DGKI: variants seen among roughly 807,000 people sequenced by gnomAD.
DGKI encodes the protein diacylglycerol kinase iota.
DGKI carries 55 observed loss-of-function variants against 147.5 expected under a neutral mutation model. That is an observed-to-expected ratio of 0.37 (90% CI 0.30 to 0.47). The LOEUF is 0.47. Ranked by LOEUF, DGKI falls within the 20% of genes least tolerant of loss-of-function variation. The probability of loss-of-function intolerance (pLI) is 1.00; values close to 1 mark genes in which losing one functional copy is unlikely to be tolerated. For missense variants in DGKI, 1,007 were observed against 1,323.8 expected (o/e 0.76, Z 3.71); for synonymous variants, 469 against 477.1 (o/e 0.98, Z 0.22).
chr7:137,762,102 CCT>C (rs1425944331), intron 1 of DGKI, among the ~76,000 whole-genome samples: 1 of 151,942 alleles, frequency 6.6e-6, no homozygotes, highest in African/African-American at 2.4e-5. Flanking sequence ...TGTATTTACC[CCT>C]CTCAAATCAT....
chr7:137,768,629 G>A (rs538239254), intron 1 of DGKI, among the ~76,000 whole-genome samples: 5 of 152,240 alleles, frequency 3.3e-5, no homozygotes, highest in East Asian at 1.9e-4. Context: ...GCACGTACAG[G>A]CCCCGGGCAG....
intron 6 of DGKI, among the ~76,000 whole-genome samples, chr7:137,644,968 G>A (rs186787640): frequency 1.1e-4 from 16 of 152,320 alleles, no homozygotes; most frequent in African/African-American, 3.6e-4. Context: ...CAGCCATGAT[G>A]ACAGAGGAGG....
intron 21 of DGKI, among the ~76,000 whole-genome samples, chr7:137,503,795 T>C (rs1469273501): frequency 1.3e-5 from 2 of 152,136 alleles, no homozygotes; most frequent in Non-Finnish European, 2.9e-5. Flanking sequence ...TGGGTTACTG[T>C]GAAGATTAAG....
intron 1 of DGKI, among the ~76,000 whole-genome samples, chr7:137,731,610 G>A (rs999139093): frequency 1.3e-5 from 2 of 152,048 alleles, no homozygotes; most frequent in Non-Finnish European, 2.9e-5. Context: ...AGGCCCATAT[G>A]TGTATTCTGA....
intron 20 of DGKI, among the ~76,000 whole-genome samples, chr7:137,541,190 C>T (rs914598900): frequency 1.3e-5 from 2 of 151,982 alleles, no homozygotes; most frequent in Non-Finnish European, 1.5e-5. Context: ...AGGCATAAGC[C>T]ATAGGTCAAT....
At chr7:137,635,503 G>A (rs970029702) in intron 6 of DGKI, among the ~76,000 whole-genome samples, 3 of 152,252 alleles carry the variant, frequency 2.0e-5, no homozygotes, top group Admixed American at 1.3e-4. Flanking sequence ...AAGGGCTTAC[G>A]AAATGTGTGA....
intron 20 of DGKI, among the ~76,000 whole-genome samples, chr7:137,537,460 A>AT (rs1304790989): frequency 2.0e-5 from 3 of 152,112 alleles, no homozygotes; most frequent in African/African-American, 7.3e-5. Context: ...AAATACAGAA[A>AT]TAAAAAAAAA....
intron 1 of DGKI, among the ~76,000 whole-genome samples, chr7:137,784,755 T>C (rs185824441): frequency 5.7e-4 from 86 of 151,776 alleles, no homozygotes; most frequent in African/African-American, 2.0e-3. Flanking sequence ...TTTAAGAAAA[T>C]AGAAATTATA....
intron 19 of DGKI, among the ~76,000 whole-genome samples, chr7:137,568,030 TTG>T (rs1818650899): frequency 6.6e-6 from 1 of 152,272 alleles, no homozygotes; most frequent in East Asian, 1.9e-4. Flanking sequence ...TTGTATTATT[TTG>T]TCTATTTTTA....
At chr7:137,625,972 C>T (rs1217712076) in intron 6 of DGKI, among the ~76,000 whole-genome samples, 1 of 152,136 alleles carries the variant, frequency 6.6e-6, no homozygotes, top group East Asian at 1.9e-4. Flanking sequence ...ACCCTGGACA[C>T]TGAGTCCAGT....
intron 30 of DGKI, among the ~76,000 whole-genome samples, chr7:137,401,142 T>C (rs2128895807): frequency 6.6e-6 from 1 of 152,284 alleles, no homozygotes; most frequent in South Asian, 2.1e-4. Flanking sequence ...CCTGTGACTT[T>C]TAGTGTAGAA....
chr7:137,645,773 T>A (rs1305823863), intron 5 of DGKI, among the ~76,000 whole-genome samples: 4 of 152,234 alleles, frequency 2.6e-5, no homozygotes, highest in Non-Finnish European at 4.4e-5. Flanking sequence ...CATTTTTTAA[T>A]GTGGTAATAC....
intron 20 of DGKI, among the ~76,000 whole-genome samples, chr7:137,541,045 T>C (rs1351739584): frequency 6.6e-6 from 1 of 152,116 alleles, no homozygotes; most frequent in Non-Finnish European, 1.5e-5. Flanking sequence ...ATTCTAAAAA[T>C]GTGTATGGAA....
intron 12 of DGKI, among the ~76,000 whole-genome samples, chr7:137,594,480 A>T (rs919999013): frequency 3.9e-5 from 6 of 152,226 alleles, no homozygotes; most frequent in Non-Finnish European, 8.8e-5. Context: ...CTTAATTTAA[A>T]CTAATACGGT....
At chr7:137,417,588 G>C (rs1241601630) in intron 28 of DGKI, among the ~76,000 whole-genome samples, 1 of 152,160 alleles carries the variant, frequency 6.6e-6, no homozygotes, top group Non-Finnish European at 1.5e-5. Context: ...GATGGCTTCT[G>C]TCATGTGGAA....
chr7:137,793,457 T>G lies in DGKI; in HGVS notation c.401+53005A>C, dbSNP rs186505544. 1.7e-3 allele frequency among the ~76,000 whole-genome samples: 257 copies of G among 152,148 alleles called. 1 individual carries two copies. The highest frequency in any genetic ancestry group is 2.8e-3 in the Admixed American group (43 of 15,300). ...CTGGGATCACAGGCACACACCACCA[T>G]GCCCGGCTAATTTTTGTATTTTTAG... is the stretch of plus-strand genomic sequence containing the variant. On this transcript the variant is annotated intron_variant, in intron 1 of 32. Transcript: ENST00000614521.
chr7:137,838,346 A>G (rs1484480368), intron 1 of DGKI, among the ~76,000 whole-genome samples: 3 of 152,172 alleles, frequency 2.0e-5, no homozygotes, highest in Non-Finnish European at 4.4e-5. Context: ...AAACTCTGAC[A>G]CATCCATAAG....
intron 28 of DGKI, among the ~76,000 whole-genome samples, chr7:137,436,404 T>C (rs532719900): frequency 1.3e-5 from 2 of 151,930 alleles, no homozygotes; most frequent in Admixed American, 1.3e-4. Flanking sequence ...TAACAAATAA[T>C]ATCATGATTT....
At chr7:137,620,053 A>ACACC in intron 7 of DGKI, 113 bp from the exon 8 acceptor site, 1 of 725,922 alleles carries the variant, frequency 1.4e-6, no homozygotes, top group Non-Finnish European at 2.4e-6. Context: ...ACACACACAC[A>ACACC]CTCATTACAT....
Sources: allele counts gnomAD v4.1 joint callset (sites outside exome capture counted in the v4.1 genomes callset), GRCh38; gene constraint gnomAD v4.1.1; transcripts MANE v1.5; gene names NCBI Gene and HGNC (gene_info 2026-07-23, HGNC 2026-07-21).